Variants in NYAP2 observed in about 807,000 individuals in gnomAD.
The protein encoded by NYAP2 is neuronal tyrosine-phosphorylated phosphoinositide-3-kinase adapter 2.
A neutral mutation model predicts 50.4 loss-of-function variants in NYAP2; 23 were observed. The observed-to-expected ratio is 0.46, with a 90% CI of 0.33 to 0.65. The LOEUF is 0.65. Ranked by LOEUF, NYAP2 falls within the 30% of genes least tolerant of loss-of-function variation. NYAP2 has a pLI of 0.02. For synonymous variants in NYAP2, 394 were observed against 365.2 expected (o/e 1.08, Z -0.90); for missense variants, 885 against 861.0 (o/e 1.03, Z -0.35).
intron 4 of NYAP2, among the ~76,000 whole-genome samples, chr2:225,547,239 T>G (rs759391272): frequency 7.2e-5 from 11 of 152,178 alleles, no homozygotes; most frequent in Non-Finnish European, 1.5e-4. Flanking sequence ...CCCACTGCCC[T>G]GAAGGGTGAG....
intron 3 of NYAP2, among the ~76,000 whole-genome samples, chr2:225,475,222 C>A (rs1690083084): frequency 6.6e-6 from 1 of 152,080 alleles, no homozygotes; most frequent in Admixed American, 6.6e-5. Flanking sequence ...CCAAACTGAC[C>A]AGTTTTTCAG....
rs910963284 is a variant in NYAP2, at chr2:225,474,880, T to C, written c.222-38491T>C. ...GGAGTGGTGAGAGAGGGCATCCCTG[T>C]CTTGTACTCCTTTGTTTTTCAAAAC... On this transcript the variant is annotated intron_variant, in intron 3 of 6. Transcript: ENST00000636099. Among the ~76,000 whole-genome samples, 7 of 152,350 alleles carry C rather than the reference T, an allele frequency of 4.6e-5. No homozygotes were observed. In the Middle Eastern group the frequency reaches 0.01, roughly 222 times the overall value.
intron 5 of NYAP2, among the ~76,000 whole-genome samples, chr2:225,593,653 C>G (rs369404328): frequency 6.6e-6 from 1 of 152,080 alleles, no homozygotes; most frequent in Admixed American, 6.6e-5. Flanking sequence ...AAACAAAGGA[C>G]CAGGGAAAAC....
chr2:225,478,723 G>T (rs780313908), intron 3 of NYAP2, among the ~76,000 whole-genome samples: 3 of 152,190 alleles, frequency 2.0e-5, no homozygotes, highest in Non-Finnish European at 2.9e-5. Flanking sequence ...GGTCCTGAAA[G>T]CTAGGTTCAG....
chr2:225,442,085 T>C (rs761895509), intron 3 of NYAP2, among the ~76,000 whole-genome samples: 1 of 152,254 alleles, frequency 6.6e-6, no homozygotes, highest in Non-Finnish European at 1.5e-5. Context: ...AATTTTATTA[T>C]ATTAACATTC....
intron 4 of NYAP2, among the ~76,000 whole-genome samples, chr2:225,557,518 A>C (rs1166082558): frequency 1.3e-5 from 2 of 152,196 alleles, no homozygotes; most frequent in South Asian, 4.1e-4. Flanking sequence ...TGTGAGACAA[A>C]ACATAAATAT....
At chr2:225,539,287 A>G (rs1452930203) in intron 4 of NYAP2, among the ~76,000 whole-genome samples, 1 of 152,194 alleles carries the variant, frequency 6.6e-6, no homozygotes, top group Admixed American at 6.5e-5. Context: ...CTATTTGTGA[A>G]TAGTGCTGCA....
intron 5 of NYAP2, among the ~76,000 whole-genome samples, chr2:225,609,515 G>A (rs1026797770): frequency 2.0e-5 from 3 of 152,098 alleles, no homozygotes; most frequent in Admixed American, 1.3e-4. Flanking sequence ...GTCAGCTTGG[G>A]GCCAGAAATG....
chr2:225,530,595 A>G (rs562377551), intron 4 of NYAP2, among the ~76,000 whole-genome samples: 2 of 152,122 alleles, frequency 1.3e-5, no homozygotes, highest in African/African-American at 2.4e-5. Context: ...GTTTTGCCTG[A>G]TTCTTAAATG....
At chr2:225,589,516 A>AAAAAATATATATATATATATATAT (rs112700820) in intron 5 of NYAP2, among the ~76,000 whole-genome samples, 1 of 71,356 alleles carries the variant, frequency 1.4e-5, no homozygotes, top group African/African-American at 5.5e-5. Context: ...CTAAAAGTAA[A>AAAAAATATATATATATATATATAT]ATATATATAT....
chr2:225,492,119 T>C (rs951593695), intron 3 of NYAP2, among the ~76,000 whole-genome samples: 8 of 152,196 alleles, frequency 5.3e-5, no homozygotes, highest in African/African-American at 9.6e-5. Context: ...GGCTGCTCCA[T>C]AGCCCATGTG....
At chr2:225,464,748 G>T (rs1421938167) in intron 3 of NYAP2, among the ~76,000 whole-genome samples, 1 of 152,230 alleles carries the variant, frequency 6.6e-6, no homozygotes, top group Non-Finnish European at 1.5e-5. Flanking sequence ...CAACCCATAG[G>T]TGGTTTGGTG....
chr2:225,588,589 T>C (rs1692432254), intron 5 of NYAP2, among the ~76,000 whole-genome samples: 1 of 152,230 alleles, frequency 6.6e-6, no homozygotes, highest in Admixed American at 6.5e-5. Flanking sequence ...AATTCTGAAG[T>C]TTATTTTTAA....
chr2:225,472,054 C>A (rs1690019795), intron 3 of NYAP2, among the ~76,000 whole-genome samples: 2 of 152,034 alleles, frequency 1.3e-5, no homozygotes, highest in African/African-American at 2.4e-5. Context: ...AATATTATTC[C>A]CATTTTATCA....
At chr2:225,565,477 G>A (rs1005105671) in intron 4 of NYAP2, among the ~76,000 whole-genome samples, 2 of 152,078 alleles carry the variant, frequency 1.3e-5, no homozygotes, top group Non-Finnish European at 2.9e-5. Flanking sequence ...GTATTTATTG[G>A]CAAAATCACT....
At chr2:225,648,023 G>A (rs1414653641) in intron 6 of NYAP2, among the ~76,000 whole-genome samples, 1 of 151,912 alleles carries the variant, frequency 6.6e-6, no homozygotes, top group Non-Finnish European at 1.5e-5. Flanking sequence ...TTTTTGAGAT[G>A]GAGTTTTGCT....
chr2:225,494,183 C>T (rs185186287), intron 3 of NYAP2, among the ~76,000 whole-genome samples: 1 of 152,334 alleles, frequency 6.6e-6, no homozygotes, highest in African/African-American at 2.4e-5. Context: ...TTGATGGGAA[C>T]ACTGCCAGTT....
At chr2:225,440,165 A>T (rs1367536340) in intron 3 of NYAP2, among the ~76,000 whole-genome samples, 1 of 152,244 alleles carries the variant, frequency 6.6e-6, no homozygotes, top group African/African-American at 2.4e-5. Flanking sequence ...GCAAAACCTT[A>T]TCAAACAGCC....
Position 225,582,844 on chromosome 2 carries a change from C to G in NYAP2, c.1427C>G (p.Thr476Ser). ...AGCTCTCCTTCAGTGCCTCACTCGA[C>G]CCCCAGACCCGTGTCGCAAGATGGG... Residue 476 changes from threonine (T) to serine (S), a missense_variant, in exon 5 of 7, where the codon ACC becomes AGC. By Grantham distance (58) the Thr-to-Ser change is moderately conservative (BLOSUM62 1). Coordinates refer to ENST00000636099, the Ensembl canonical transcript of NYAP2. The surrounding 1 kb of genome is among the most constrained non-coding windows in gnomAD (Gnocchi z 7.0). 1 of 1,613,840 alleles carries G rather than the reference C, an allele frequency of 6.2e-7. No homozygotes were observed. The highest frequency in any genetic ancestry group is 8.5e-7 in the Non-Finnish European group (1 of 1,179,870).
Sources: gnomAD v4.1 joint callset for allele counts (sites outside exome capture counted in the v4.1 genomes callset) on GRCh38, gnomAD v4.1.1 for gene constraint, Gnocchi (gnomAD v3.1) non-coding constraint, MANE v1.5 for transcripts, NCBI Gene and HGNC (gene_info 2026-07-23, HGNC 2026-07-21) for gene names.